The following STAC variants were observed in gnomAD, a reference collection of about 807,000 sequenced individuals.
STAC encodes SH3 and cysteine-rich domain-containing protein.
STAC carries 43 observed loss-of-function variants against 48.8 expected under a neutral mutation model. That is an observed-to-expected ratio of 0.88 (90% CI 0.69 to 1.14). The LOEUF is 1.14. STAC is among the 50% of genes most tolerant of loss of function. STAC has a pLI of 0.00. For synonymous variants in STAC, 193 were observed against 179.5 expected (o/e 1.07, Z -0.60); for missense variants, 497 against 504.0 (o/e 0.99, Z 0.13).
intron 2 of STAC, among the ~76,000 whole-genome samples, chr3:36,453,152 T>A (rs1696734575): frequency 6.6e-6 from 1 of 152,256 alleles, no homozygotes; most frequent in Admixed American, 6.5e-5. Context: ...CTGTTTTTCT[T>A]ACTATGCATA....
chr3:36,404,906 A>G (rs1700061764), intron 1 of STAC, among the ~76,000 whole-genome samples: 1 of 152,118 alleles, frequency 6.6e-6, no homozygotes, highest in Non-Finnish European at 1.5e-5. Flanking sequence ...CAGCTATTAT[A>G]TATTCTTTAT....
chr3:36,531,516 CCT>C (rs138491295), intron 10 of STAC, among the ~76,000 whole-genome samples: 251 of 152,236 alleles, frequency 1.6e-3, no homozygotes, highest in African/African-American at 5.7e-3. Flanking sequence ...GGCCTGAAGC[CCT>C]GTTTTCATTC....
At chr3:36,401,503 G>A (rs1699998117) in intron 1 of STAC, among the ~76,000 whole-genome samples, 1 of 152,136 alleles carries the variant, frequency 6.6e-6, no homozygotes, top group South Asian at 2.1e-4. Context: ...GGGAACCCAA[G>A]GAAGCCCGCA....
chr3:36,541,024 T>G (rs1035231900), intron 10 of STAC, among the ~76,000 whole-genome samples: 4 of 152,200 alleles, frequency 2.6e-5, no homozygotes, highest in Non-Finnish European at 5.9e-5. Flanking sequence ...GGCTTGATCC[T>G]CTGGTCAGAG....
At chr3:36,433,727 C>T (rs1700760948) in intron 1 of STAC, among the ~76,000 whole-genome samples, 1 of 152,224 alleles carries the variant, frequency 6.6e-6, no homozygotes, top group South Asian at 2.1e-4. Context: ...TTTGCAGCCA[C>T]TGAGCTCATC....
intron 5 of STAC, among the ~76,000 whole-genome samples, chr3:36,488,943 A>G (rs532453182): frequency 1.3e-5 from 2 of 152,162 alleles, no homozygotes; most frequent in South Asian, 4.2e-4. Flanking sequence ...TCCTGCCATT[A>G]CCCTAAAAAC....
chr3:36,426,626 C>T lies in STAC; in HGVS notation c.112-16738C>T, dbSNP rs373310278. ...GCCAATACAATACAGAAAAGCAGAACCAGACTAGAGGAAAGGTCTCCAGAC... is the reference window on the plus strand; with the variant it reads ...GCCAATACAATACAGAAAAGCAGAATCAGACTAGAGGAAAGGTCTCCAGAC... On this transcript the variant is annotated intron_variant, in intron 1 of 10. Transcript: ENST00000273183. Among the ~76,000 whole-genome samples, 33 of 152,182 alleles carry T rather than the reference C, an allele frequency of 2.2e-4. No individual in the cohort carries two copies. In the East Asian group the frequency reaches 4.6e-3, roughly 21 times the overall value.
intron 2 of STAC, among the ~76,000 whole-genome samples, chr3:36,458,729 A>C (rs767450684): frequency 5.9e-5 from 9 of 152,222 alleles, no homozygotes; most frequent in Non-Finnish European, 1.0e-4. Context: ...CTAAAGCTGC[A>C]CCTCAATTTA....
chr3:36,506,989 C>A (rs1698418446), intron 8 of STAC, among the ~76,000 whole-genome samples: 4 of 152,252 alleles, frequency 2.6e-5, no homozygotes, highest in African/African-American at 9.6e-5. Context: ...GAGAGGGCAT[C>A]CTTGTCTTGT....
intron 8 of STAC, among the ~76,000 whole-genome samples, chr3:36,515,641 G>A (rs1172124899): frequency 1.3e-5 from 2 of 152,160 alleles, no homozygotes; most frequent in Non-Finnish European, 2.9e-5. Context: ...GTGTTCAGCA[G>A]TAAATCTGCA....
intron 8 of STAC, among the ~76,000 whole-genome samples, chr3:36,525,553 C>T (rs1174065985): frequency 6.6e-6 from 1 of 152,154 alleles, no homozygotes; most frequent in African/African-American, 2.4e-5. Context: ...GCCTCTTTCA[C>T]TCTTAGGGAA....
intron 1 of STAC, among the ~76,000 whole-genome samples, chr3:36,420,709 G>T (rs1362415029): frequency 6.6e-6 from 1 of 152,164 alleles, no homozygotes; most frequent in Admixed American, 6.5e-5. Flanking sequence ...GGTCCCTGGT[G>T]CCAAAAAGAC....
At chr3:36,482,442 T>C (rs1359533508) in intron 2 of STAC, among the ~76,000 whole-genome samples, 2 of 152,202 alleles carry the variant, frequency 1.3e-5, no homozygotes, top group Non-Finnish European at 2.9e-5. Flanking sequence ...CACAATTTCA[T>C]TATCATTCGC....
chr3:36,414,757 A>AT (rs1309312492), intron 1 of STAC, among the ~76,000 whole-genome samples: 14 of 151,586 alleles, frequency 9.2e-5, no homozygotes, highest in Non-Finnish European at 2.1e-4. Flanking sequence ...GATTTTTAGA[A>AT]TTTTCAGTTT....
intron 2 of STAC, among the ~76,000 whole-genome samples, chr3:36,460,178 T>C (rs1040739976): frequency 6.6e-6 from 1 of 152,022 alleles, no homozygotes; most frequent in Non-Finnish European, 1.5e-5. Context: ...TCTTGCCCTA[T>C]AGCCTTAGAC....
intron 2 of STAC, among the ~76,000 whole-genome samples, chr3:36,470,610 G>A (rs537548870): frequency 6.6e-4 from 100 of 152,340 alleles, no homozygotes; most frequent in African/African-American, 2.4e-3. Context: ...CAGGGAGTCT[G>A]TAGCAGTGAT....
chr3:36,517,956 C>A (rs1698715332), intron 8 of STAC, among the ~76,000 whole-genome samples: 2 of 152,054 alleles, frequency 1.3e-5, no homozygotes. Context: ...CATTGTTAGC[C>A]AAAGCTTGAT....
chr3:36,451,944 G>A (rs1232980094), intron 2 of STAC, among the ~76,000 whole-genome samples: 1 of 152,170 alleles, frequency 6.6e-6, no homozygotes, highest in Non-Finnish European at 1.5e-5. Flanking sequence ...CTTGCAGGTG[G>A]GGGCAGATTG....
chr3:36,516,566 C>T (rs1277527500), intron 8 of STAC, among the ~76,000 whole-genome samples: 1 of 152,132 alleles, frequency 6.6e-6, no homozygotes, highest in African/African-American at 2.4e-5. Flanking sequence ...CTATTTCCCA[C>T]CTAAACCTCT....
Sources: gnomAD v4.1 joint callset for allele counts (sites outside exome capture counted in the v4.1 genomes callset) on GRCh38, gnomAD v4.1.1 for gene constraint, MANE v1.5 for transcripts, NCBI Gene and HGNC (gene_info 2026-07-23, HGNC 2026-07-21) for gene names.